TNS3: variants seen among roughly 807,000 people sequenced by gnomAD.
TNS3 encodes tensin-3.
In TNS3, 45 loss-of-function variants were observed where a neutral mutation model predicts 140.9. The ratio of observed to expected loss-of-function variants is 0.32; its 90% CI spans 0.25 to 0.41. The LOEUF is 0.41. Ranked by LOEUF, TNS3 falls within the 10% of genes least tolerant of loss-of-function variation. TNS3 has a pLI of 1.00. For missense variants in TNS3, 1,716 were observed against 1,906.7 expected (o/e 0.90, Z 1.86); for synonymous variants, 815 against 788.4 (o/e 1.03, Z -0.56).
At chr7:47,410,869 T>C (rs538864773) in intron 13 of TNS3, among the ~76,000 whole-genome samples, 4 of 152,300 alleles carry the variant, frequency 2.6e-5, no homozygotes, top group African/African-American at 9.6e-5. Flanking sequence ...TTTCCTAAAA[T>C]TATTTTAAAT....
intron 25 of TNS3, among the ~76,000 whole-genome samples, chr7:47,293,428 C>A (rs1785827716): frequency 6.6e-6 from 1 of 152,168 alleles, no homozygotes; most frequent in South Asian, 2.1e-4. Context: ...TAGGGTCATG[C>A]TGGAGCTCCA....
At chr7:47,448,346 G>C (rs1392508424) in intron 4 of TNS3, among the ~76,000 whole-genome samples, 1 of 152,248 alleles carries the variant, frequency 6.6e-6, no homozygotes, top group Non-Finnish European at 1.5e-5. Flanking sequence ...ATCCTCCCCA[G>C]GTGGGGTGGG....
rs189663008 is a variant in TNS3 at position 47,396,224 on chromosome 7, C to A, written c.1024+576G>T. 3.9e-5 allele frequency among the ~76,000 whole-genome samples: 6 copies of A among 152,322 alleles called. No homozygotes were observed. In the East Asian group the frequency reaches 1.2e-3, roughly 29 times the overall value. Reference sequence around the variant, plus strand: ...GTCTTGTGGAGATTCCAGCACACAGCTGCCCCTTCCTTCCTTTCCTCCTTC... The same window carrying A: ...GTCTTGTGGAGATTCCAGCACACAGATGCCCCTTCCTTCCTTTCCTCCTTC... On this transcript the variant is annotated intron_variant, in intron 16 of 30. Coordinates refer to ENST00000311160, the MANE Select transcript of TNS3 (RefSeq NM_022748.12).
intron 17 of TNS3, among the ~76,000 whole-genome samples, chr7:47,350,030 G>A (rs1471742684): frequency 1.3e-5 from 2 of 152,198 alleles, no homozygotes; most frequent in Non-Finnish European, 2.9e-5. Flanking sequence ...GTCACCACAT[G>A]TATCTGACTT....
At chr7:47,509,529 G>A (rs1798534092) in intron 2 of TNS3, among the ~76,000 whole-genome samples, 1 of 152,142 alleles carries the variant, frequency 6.6e-6, no homozygotes, top group Admixed American at 6.5e-5. Flanking sequence ...GGGTGACTCA[G>A]CCAAGGGGGC....
intron 28 of TNS3, among the ~76,000 whole-genome samples, chr7:47,282,728 G>A (rs1010060854): frequency 3.3e-5 from 5 of 152,168 alleles, no homozygotes; most frequent in Admixed American, 6.5e-5. Flanking sequence ...GGCACTGAAC[G>A]GGTCTGACCA....
At chr7:47,379,107 A>G (rs1486473326) in intron 16 of TNS3, among the ~76,000 whole-genome samples, 2 of 152,168 alleles carry the variant, frequency 1.3e-5, no homozygotes. Context: ...GGGGTTAACA[A>G]TGAAGCAAGG....
intron 2 of TNS3, among the ~76,000 whole-genome samples, chr7:47,510,860 T>TAAAAAAA (rs34323744): frequency 7.8e-6 from 1 of 128,308 alleles, no homozygotes; most frequent in East Asian, 2.3e-4. Context: ...AGACTGTCTT[T>TAAAAAAA]AAAAAAAAAA....
intron 13 of TNS3, among the ~76,000 whole-genome samples, chr7:47,403,695 G>C (rs1231735611): frequency 6.6e-6 from 1 of 152,172 alleles, no homozygotes; most frequent in African/African-American, 2.4e-5. Context: ...GAAAACCACA[G>C]GATTTTCCCT....
intron 1 of TNS3, among the ~76,000 whole-genome samples, chr7:47,575,075 G>C (rs955122784): frequency 1.4e-4 from 22 of 152,166 alleles, no homozygotes; most frequent in Non-Finnish European, 5.9e-5. Context: ...TGATGCCAAA[G>C]AGTCTGCTAG....
intron 2 of TNS3, among the ~76,000 whole-genome samples, chr7:47,507,267 T>C (rs557674831): frequency 6.6e-6 from 1 of 152,268 alleles, no homozygotes; most frequent in Non-Finnish European, 1.5e-5. Context: ...TCAAGGGGTA[T>C]GTACGTCCAG....
In TNS3 at chr7:47,283,759, C is replaced by T. The variant is rs1785267027; in HGVS notation, c.4035G>A (p.Val1345=). ...SITLVQEPPP[V]STVVHFKVSA... ...ACACCTTGAAGTGCACAACTGTGGA[C>T]ACAGGTGGAGGCTCCTGGACCAGGG... is the stretch of plus-strand genomic sequence containing the variant. Residue 1345 remains valine, a synonymous_variant, in exon 28 of 31, where the codon GTG becomes GTA. Transcript: ENST00000311160. 6.2e-7 allele frequency: 1 copy of T among 1,611,096 alleles called. No homozygotes were observed. Among genetic ancestry groups the T allele is most frequent in the Non-Finnish European group, 8.5e-7 (1 of 1,178,680 alleles).
At chr7:47,496,077 G>C (rs1353564519) in intron 3 of TNS3, among the ~76,000 whole-genome samples, 2 of 152,174 alleles carry the variant, frequency 1.3e-5, no homozygotes, top group Non-Finnish European at 2.9e-5. Flanking sequence ...GAGGTGAAGA[G>C]GCCCTGGATT....
At chr7:47,502,648 G>A (rs559368754) in intron 3 of TNS3, among the ~76,000 whole-genome samples, 1 of 152,332 alleles carries the variant, frequency 6.6e-6, no homozygotes, top group African/African-American at 2.4e-5. Flanking sequence ...AAAAAGAGCA[G>A]CAAGCCTATC....
intron 4 of TNS3, among the ~76,000 whole-genome samples, chr7:47,462,739 C>T (rs1055620702): frequency 2.6e-5 from 4 of 152,124 alleles, no homozygotes; most frequent in Admixed American, 2.6e-4. Context: ...CACTCCACCA[C>T]GAGGGACCAT....
chr7:47,558,757 C>T (rs1800261029), intron 1 of TNS3, among the ~76,000 whole-genome samples: 6 of 152,176 alleles, frequency 3.9e-5, no homozygotes, highest in Admixed American at 3.9e-4. Flanking sequence ...TCCCACTCTC[C>T]CACACAGCCA....
At chr7:47,432,953 T>C (rs941485174) in intron 8 of TNS3, among the ~76,000 whole-genome samples, 2 of 152,224 alleles carry the variant, frequency 1.3e-5, no homozygotes, top group East Asian at 3.8e-4. Flanking sequence ...TCCATGGGTA[T>C]TCTTCACCAT....
intron 20 of TNS3, among the ~76,000 whole-genome samples, chr7:47,317,432 C>G (rs1334291807): frequency 6.6e-6 from 1 of 152,196 alleles, no homozygotes; most frequent in Non-Finnish European, 1.5e-5. Flanking sequence ...CATTTATATT[C>G]AAGGTTTTGA....
At chr7:47,560,419 G>C (rs1255297637) in intron 1 of TNS3, among the ~76,000 whole-genome samples, 1 of 152,130 alleles carries the variant, frequency 6.6e-6, no homozygotes, top group Non-Finnish European at 1.5e-5. Flanking sequence ...TAAGGTATCA[G>C]GTTGTAGCAG....
Sources: allele counts gnomAD v4.1 joint callset (sites outside exome capture counted in the v4.1 genomes callset), GRCh38; gene constraint gnomAD v4.1.1; transcripts MANE v1.5; gene names NCBI Gene and HGNC (gene_info 2026-07-23, HGNC 2026-07-21).